The following VPS35L variants were observed in gnomAD, a reference collection of about 807,000 sequenced individuals.
VPS35L encodes VPS35 endosomal protein-sorting factor-like.
VPS35L carries 83 observed loss-of-function variants against 133.0 expected under a neutral mutation model. The observed-to-expected ratio is 0.62, with a 90% CI of 0.52 to 0.75. The LOEUF is 0.75. Ranked by LOEUF, VPS35L falls within the 30% of genes least tolerant of loss-of-function variation. The pLI is 0.00. For missense variants in VPS35L, 1,083 were observed against 1,206.8 expected (o/e 0.90, Z 1.52); for synonymous variants, 423 against 449.9 (o/e 0.94, Z 0.76).
At chr16:19,655,316 G>A (rs1014376062) in intron 26 of VPS35L, among the ~76,000 whole-genome samples, 2 of 152,186 alleles carry the variant, frequency 1.3e-5, no homozygotes, top group Non-Finnish European at 2.9e-5. Context: ...TTTTTCTCCT[G>A]AAAGCCACAG....
At position 19,699,402 on chromosome 16, in the gene VPS35L, T is replaced by C. The variant is rs1976028246; in HGVS notation, c.2647-100T>C. On this transcript the variant is annotated intron_variant, in intron 29 of 30. Coordinates refer to ENST00000417362, the MANE Select transcript of VPS35L (RefSeq NM_020314.7). The surrounding 1 kb of genome is among the most constrained non-coding windows in gnomAD (Gnocchi z 4.2). Reference sequence around the variant, plus strand: ...TACATGGCAGAGCTGGCACTGGAACTCAGGCATGACCTACCCCAGAGTCAG... The same window carrying C: ...TACATGGCAGAGCTGGCACTGGAACCCAGGCATGACCTACCCCAGAGTCAG... 2 of 1,440,990 alleles carry C rather than the reference T, an allele frequency of 1.4e-6. No individual in the cohort carries two copies. The highest frequency in any genetic ancestry group is 2.8e-5 in the African/African-American group (2 of 71,026). 89.3% of individuals were successfully genotyped at this position (1,440,990 alleles called of 1,614,324 possible). A position where few individuals can be genotyped will look rare whatever the true frequency, so the allele number is the denominator to read the frequency against.
At position 19,628,722 on chromosome 16, in the gene VPS35L, G is replaced by T; in HGVS notation, c.1469G>T (p.Trp490Leu). The T allele has an allele frequency of 6.3e-7, 1 of 1,591,482 alleles. No homozygotes were observed. The highest frequency in any genetic ancestry group is 1.1e-5 in the South Asian group (1 of 88,370). ...CGACTTCAGATTCTCAACGAAGCTT[G>T]GAAAGTCATCACTAAGCTGAAGAAC... ...SDRLQILNEAWKVITKLKNPQ... is the reference protein window; with the variant it reads ...SDRLQILNEALKVITKLKNPQ... Residue 490 changes from tryptophan (W) to leucine (L), a missense_variant, in exon 17 of 31, where the codon TGG becomes TTG. By Grantham distance (61) the Trp-to-Leu change is moderately conservative (BLOSUM62 -2). Transcript: ENST00000417362.
intron 28 of VPS35L, among the ~76,000 whole-genome samples, chr16:19,685,100 A>T (rs974017657): frequency 6.6e-6 from 1 of 152,110 alleles, no homozygotes; most frequent in African/African-American, 2.4e-5. Flanking sequence ...TATATAACAT[A>T]TATGCAATAA....
rs1315454465 is a variant in VPS35L at position 19,699,909 on chromosome 16, G to A, written c.2793+261G>A. Among the ~76,000 whole-genome samples the A allele has an allele frequency of 6.6e-6, 1 of 152,156 alleles. No homozygotes were observed. The highest frequency in any genetic ancestry group is 1.5e-5 in the Non-Finnish European group (1 of 68,034). On this transcript the variant is annotated intron_variant, in intron 30 of 30. Coordinates refer to ENST00000417362, the MANE Select transcript of VPS35L (RefSeq NM_020314.7). This position sits in a 1 kb window ranked among gnomAD's most constrained non-coding sequence, Gnocchi z 4.2. ...GGCTAAGGGTTTGACACCAGCCTGGGCAACATAGTGAGACCAGGTCTCTAC... is the reference window on the plus strand; with the variant it reads ...GGCTAAGGGTTTGACACCAGCCTGGACAACATAGTGAGACCAGGTCTCTAC...
At chr16:19,621,268 C>T (rs965361557) in intron 14 of VPS35L, among the ~76,000 whole-genome samples, 2 of 152,174 alleles carry the variant, frequency 1.3e-5, no homozygotes, top group South Asian at 4.1e-4. Context: ...ATAAGAACAT[C>T]AAAGTCCTAG....
chr16:19,571,934 G>A (rs1051014013), intron 3 of VPS35L, among the ~76,000 whole-genome samples: 9 of 151,584 alleles, frequency 5.9e-5, no homozygotes, highest in East Asian at 1.9e-4. Flanking sequence ...TTGACCAGCC[G>A]TATGGTATTC....
chr16:19,574,880 G>C (rs915285866), intron 4 of VPS35L, among the ~76,000 whole-genome samples: 10 of 152,196 alleles, frequency 6.6e-5, no homozygotes, highest in Non-Finnish European at 1.3e-4. Flanking sequence ...GTTCTATTAT[G>C]TGACTCCGCT....
intron 18 of VPS35L, among the ~76,000 whole-genome samples, chr16:19,631,723 TTGAC>T (rs1973461214): frequency 6.6e-6 from 1 of 152,198 alleles, no homozygotes; most frequent in African/African-American, 2.4e-5. Context: ...GATTGATTGA[TTGAC>T]AGACAGGATC....
At position 19,633,378 on chromosome 16, in the gene VPS35L, A is replaced by G. The variant is rs1021806548; in HGVS notation, c.1635+206A>G. Among the ~76,000 whole-genome samples the G allele has an allele frequency of 4.6e-5, 7 of 152,230 alleles. No individual in the cohort carries two copies. Among genetic ancestry groups the G allele is most frequent in the African/African-American group, 4.8e-5 (2 of 41,468 alleles). On this transcript the variant is annotated intron_variant, in intron 19 of 30. Transcript: ENST00000417362. This position sits in a 1 kb window ranked among gnomAD's most constrained non-coding sequence, Gnocchi z 4.1. ...TCACCTGTGAAATGGAGATAGTAAT[A>G]GTGCTACCTGAGAGTTACTGTGAGG...
intron 26 of VPS35L, among the ~76,000 whole-genome samples, chr16:19,657,693 A>G (rs1974351183): frequency 6.6e-6 from 1 of 152,208 alleles, no homozygotes; most frequent in Admixed American, 6.5e-5. Context: ...ACAAACTGTA[A>G]TGGCTAATGG....
At chr16:19,670,606 T>C (rs1038505331) in intron 27 of VPS35L, among the ~76,000 whole-genome samples, 4 of 152,274 alleles carry the variant, frequency 2.6e-5, no homozygotes, top group East Asian at 1.9e-4. Flanking sequence ...TAACAGAAAC[T>C]AAACATAGCA....
At chr16:19,638,092 C>T (rs947876477) in intron 20 of VPS35L, among the ~76,000 whole-genome samples, 1 of 152,192 alleles carries the variant, frequency 6.6e-6, no homozygotes, top group South Asian at 2.1e-4. Context: ...ATGATTCCCT[C>T]AAAAATTTAA....
intron 27 of VPS35L, among the ~76,000 whole-genome samples, chr16:19,681,936 G>C (rs1975294673): frequency 1.3e-5 from 2 of 152,032 alleles, no homozygotes; most frequent in Admixed American, 1.3e-4. Context: ...TTGGAAACAG[G>C]CCATTAAGCT....
At chr16:19,572,725 C>CAGA (rs1971421238) in intron 3 of VPS35L, among the ~76,000 whole-genome samples, 1 of 152,046 alleles carries the variant, frequency 6.6e-6, no homozygotes, top group Admixed American at 6.6e-5. Flanking sequence ...CTCTGTCACT[C>CAGA]AGACTGGAGT....
intron 7 of VPS35L, among the ~76,000 whole-genome samples, chr16:19,587,902 C>T (rs370865795): frequency 3.0e-4 from 44 of 148,426 alleles, no homozygotes; most frequent in African/African-American, 1.1e-3. Context: ...CAGGTTCAAG[C>T]GATTTTCATA....
intron 20 of VPS35L, 64 bp downstream of exon 20, chr16:19,637,720 A>G: frequency 1.7e-6 from 2 of 1,207,230 alleles, no homozygotes; most frequent in East Asian, 4.8e-5. Flanking sequence ...TCATTGTCTC[A>G]GTAATGTTTT....
intron 29 of VPS35L, among the ~76,000 whole-genome samples, chr16:19,695,159 A>C (rs948254058): frequency 6.6e-6 from 1 of 152,170 alleles, no homozygotes; most frequent in Admixed American, 6.5e-5. Context: ...TAGTCCAGGG[A>C]CCTCTTAGAA....
chr16:19,656,263 C>CAAAA (rs34467290), intron 26 of VPS35L, among the ~76,000 whole-genome samples: 1 of 81,098 alleles, frequency 1.2e-5, no homozygotes. Flanking sequence ...GACTCTGTCT[C>CAAAA]AAAAAAAAAA....
At chr16:19,653,029 C>T (rs1167154375) in intron 26 of VPS35L, among the ~76,000 whole-genome samples, 2 of 152,316 alleles carry the variant, frequency 1.3e-5, no homozygotes, top group African/African-American at 4.8e-5. Flanking sequence ...TTCCTGTGGG[C>T]AGCTGAAGCT....
Sources: gnomAD v4.1 joint callset for allele counts (sites outside exome capture counted in the v4.1 genomes callset) on GRCh38, gnomAD v4.1.1 for gene constraint, Gnocchi (gnomAD v3.1) non-coding constraint, MANE v1.5 for transcripts, NCBI Gene and HGNC (gene_info 2026-07-23, HGNC 2026-07-21) for gene names.